CFAP20DC: variants seen among roughly 807,000 people sequenced by gnomAD.
CFAP20DC encodes the protein CFAP20 domain containing.
Under a neutral mutation model 101.7 loss-of-function variants are expected in CFAP20DC, and 84 were observed. The observed-to-expected ratio is 0.83, with a 90% CI of 0.69 to 0.99. The LOEUF (loss-of-function observed/expected upper bound fraction) is 0.99, where lower values mean the gene tolerates loss of function less well. Among genes scored for constraint, CFAP20DC ranks in the 50% least tolerant of loss-of-function variants. The probability of loss-of-function intolerance (pLI) is 0.00; values close to 1 mark genes in which losing one functional copy is unlikely to be tolerated. For synonymous variants in CFAP20DC, 359 were observed against 351.2 expected (o/e 1.02, Z -0.25); for missense variants, 1,007 against 970.3 (o/e 1.04, Z -0.50).
chr3:59,037,718 C>T (rs58095571), intron 4 of CFAP20DC, among the ~76,000 whole-genome samples: 2,910 of 152,124 alleles, frequency 0.019, 82 homozygotes, highest in African/African-American at 0.065. Flanking sequence ...ATAAATGTGG[C>T]GATTCCTCAA....
intron 12 of CFAP20DC, chr3:58,862,889 A>G (rs2079367599): frequency 1.0e-6 from 1 of 981,232 alleles, no homozygotes; most frequent in East Asian, 1.1e-4. Flanking sequence ...AAAGTTATCA[A>G]TGTATTAGGT....
intron 4 of CFAP20DC, among the ~76,000 whole-genome samples, chr3:59,023,965 A>T (rs921726939): frequency 1.1e-4 from 16 of 152,132 alleles, no homozygotes; most frequent in African/African-American, 3.9e-4. Context: ...GATTGAAAAA[A>T]GGGAGGATGA....
chr3:58,925,750 A>T (rs1014348745), intron 5 of CFAP20DC, among the ~76,000 whole-genome samples: 9 of 152,196 alleles, frequency 5.9e-5, no homozygotes, highest in African/African-American at 2.2e-4. Flanking sequence ...GAGGAAACTA[A>T]ATCAGAGAGA....
chr3:58,839,359 C>G (rs1188064056), intron 13 of CFAP20DC, among the ~76,000 whole-genome samples: 1 of 152,014 alleles, frequency 6.6e-6, no homozygotes, highest in African/African-American at 2.4e-5. Flanking sequence ...TCCTGTCTGT[C>G]AAAGAGGAAT....
rs1028198606 is a variant in CFAP20DC at position 58,912,276 on chromosome 3, G to A, written c.550+1432C>T. Among the ~76,000 whole-genome samples the A allele has an allele frequency of 2.0e-5, 3 of 152,012 alleles. No homozygotes were observed. The highest frequency in any genetic ancestry group is 6.6e-5 in the Admixed American group (1 of 15,228). The stretch of plus-strand genomic sequence containing the variant: ...CACCTCCTATGATCTGATGTACACT[G>A]CACAAATATTTCTATAAATTTTGAG... On this transcript the variant is annotated intron_variant, in intron 6 of 16. Transcript: ENST00000482387. This position sits in a 1 kb window ranked among gnomAD's most constrained non-coding sequence, Gnocchi z 4.4.
At chr3:58,986,115 A>G (rs1576601348) in intron 4 of CFAP20DC, among the ~76,000 whole-genome samples, 2 of 152,216 alleles carry the variant, frequency 1.3e-5, no homozygotes, top group African/African-American at 4.8e-5. Flanking sequence ...TAACTGCTAC[A>G]AATACATAGT....
intron 3 of CFAP20DC, among the ~76,000 whole-genome samples, chr3:58,718,669 T>G (rs1354893061): frequency 6.6e-6 from 1 of 152,232 alleles, no homozygotes; most frequent in South Asian, 2.1e-4. Context: ...TCCATCTGTT[T>G]CCTTTGTTTC....
At chr3:58,965,197 G>C (rs1344983533) in intron 4 of CFAP20DC, among the ~76,000 whole-genome samples, 1 of 151,938 alleles carries the variant, frequency 6.6e-6, no homozygotes, top group African/African-American at 2.4e-5. Context: ...AGGCTCGAAG[G>C]TGTTAAGTTG....
Position 58,722,916 on chromosome 3 carries a change from G to C in CFAP20DC, c.198-5288C>G, listed in dbSNP as rs2067492849. ...AATTCACCTTTCAAATCTTTACCTT[G>C]TCAATTTTGGTAACATGCAGCTGCC... On this transcript the variant is annotated intron_variant, in intron 3 of 3. Transcript: ENST00000486145. The surrounding 1 kb of genome is among the most constrained non-coding windows in gnomAD (Gnocchi z 4.5). 6.6e-6 allele frequency among the ~76,000 whole-genome samples: 1 copy of C among 152,156 alleles called. No homozygotes were observed. The highest frequency in any genetic ancestry group is 1.5e-5 in the Non-Finnish European group (1 of 68,040).
chr3:58,741,216 A>G (rs2067873942), downstream of CFAP20DC, among the ~76,000 whole-genome samples: 1 of 151,162 alleles, frequency 6.6e-6, no homozygotes, highest in Non-Finnish European at 1.5e-5. Flanking sequence ...CAGCTAATAT[A>G]ATAAGTACTT....
In CFAP20DC at chr3:58,891,184, AG is replaced by A. The variant is rs746134925; in HGVS notation, c.551-6476del. Among the ~76,000 whole-genome samples the A allele has an allele frequency of 9.2e-5, 14 of 152,140 alleles. 2 individuals are homozygous for A. In the South Asian group the frequency reaches 1.7e-3, roughly 18 times the overall value. On this transcript the variant is annotated intron_variant, in intron 6 of 16. Transcript: ENST00000482387. Reference sequence around the variant, plus strand: ...CCGTCTGCAATCCCGGCACCTTGGGAGGCCGAGGCTGGCGGATCACTCGCGG... The same window carrying A: ...CCGTCTGCAATCCCGGCACCTTGGGAGCCGAGGCTGGCGGATCACTCGCGG...
At chr3:58,763,035 G>A (rs1476798007) in intron 15 of CFAP20DC, among the ~76,000 whole-genome samples, 1 of 152,112 alleles carries the variant, frequency 6.6e-6, no homozygotes, top group Non-Finnish European at 1.5e-5. Context: ...CTCTTCTGGA[G>A]GAGTATCTTT....
chr3:58,778,348 C>T (rs2071524319), intron 15 of CFAP20DC, among the ~76,000 whole-genome samples: 2 of 152,158 alleles, frequency 1.3e-5, no homozygotes, highest in African/African-American at 4.8e-5. Flanking sequence ...TCACCCAGCA[C>T]AGTGCATCAC....
chr3:59,030,034 T>C (rs1459570778), intron 4 of CFAP20DC, among the ~76,000 whole-genome samples: 3 of 152,208 alleles, frequency 2.0e-5, no homozygotes, highest in Non-Finnish European at 4.4e-5. Context: ...AAATGATGAC[T>C]AAATCTGTAA....
chr3:59,039,791 C>CA (rs1236586129), intron 3 of CFAP20DC, among the ~76,000 whole-genome samples, 162 bp from the exon 4 acceptor site: 9 of 151,204 alleles, frequency 6.0e-5, no homozygotes, highest in Non-Finnish European at 1.2e-4. Context: ...ATTACGAAAG[C>CA]AAAAAAAATT....
In CFAP20DC at chr3:58,897,551, G is replaced by A. The variant is rs1051173889; in HGVS notation, c.551-12842C>T. Among the ~76,000 whole-genome samples the A allele has an allele frequency of 7.9e-5, 12 of 152,336 alleles. No homozygotes were observed. The highest frequency in any genetic ancestry group is 2.2e-4 in the African/African-American group (9 of 41,578). On this transcript the variant is annotated intron_variant, in intron 6 of 16. Transcript: ENST00000482387. This position sits in a 1 kb window ranked among gnomAD's most constrained non-coding sequence, Gnocchi z 4.4. ...CTTTCCATATTTAGTGCTTCCTTCAGAAGTGCTTGCAAGGCAAGCCTCGTG... is the reference window on the plus strand; with the variant it reads ...CTTTCCATATTTAGTGCTTCCTTCAAAAGTGCTTGCAAGGCAAGCCTCGTG...
At chr3:58,802,272 G>C (rs1374929557) in intron 15 of CFAP20DC, among the ~76,000 whole-genome samples, 2 of 152,234 alleles carry the variant, frequency 1.3e-5, no homozygotes, top group African/African-American at 4.8e-5. Flanking sequence ...TAAATGACTT[G>C]AAGCTGCAAA....
chr3:58,817,082 G>C (rs1400367988), intron 14 of CFAP20DC, among the ~76,000 whole-genome samples: 1 of 152,044 alleles, frequency 6.6e-6, no homozygotes, highest in Admixed American at 6.5e-5. Flanking sequence ...TGAGGGTCTT[G>C]TCTGTTAGAA....
In CFAP20DC at chr3:58,774,906, T is replaced by C. The variant is rs116459658; in HGVS notation, c.2238-21043A>G. ...GTTTTATCTGTTAAAACAGCAATTC[T>C]CAATCTTTTGAGGGTAAAGATCCAT... On this transcript the variant is annotated intron_variant, in intron 15 of 16. Coordinates refer to ENST00000482387, the MANE Select transcript of CFAP20DC (RefSeq NM_001394063.1). Among the ~76,000 whole-genome samples, 1,006 of 152,310 alleles carry C rather than the reference T, an allele frequency of 6.6e-3. 23 individuals are homozygous for C. Among genetic ancestry groups the C allele is most frequent in the African/African-American group, 0.024 (977 of 41,568 alleles).
Sources: allele counts gnomAD v4.1 joint callset (sites outside exome capture counted in the v4.1 genomes callset), GRCh38; gene constraint gnomAD v4.1.1; non-coding constraint Gnocchi (gnomAD v3.1); transcripts MANE v1.5; gene names NCBI Gene and HGNC (gene_info 2026-07-23, HGNC 2026-07-21).